Variants in ERCC2 observed in about 807,000 individuals in gnomAD.
ERCC2 encodes the protein general transcription and DNA repair factor IIH helicase subunit XPD.
ERCC2 carries 90 observed loss-of-function variants against 99.4 expected under a neutral mutation model. That is an observed-to-expected ratio of 0.91 (90% CI 0.76 to 1.08). ERCC2 has a LOEUF of 1.08. Ranked by LOEUF, ERCC2 falls within the 50% of genes least tolerant of loss-of-function variation. The probability of loss-of-function intolerance (pLI) is 0.00; values close to 1 mark genes in which losing one functional copy is unlikely to be tolerated. For synonymous variants in ERCC2, 497 were observed against 432.4 expected, an observed-to-expected ratio of 1.15 and a Z score of -1.85; for missense variants, 993 against 1,038.1, an observed-to-expected ratio of 0.96 and a Z score of 0.60.
Position 45,357,658 on chromosome 19 carries a change from T to C in ERCC2, c.1279A>G (p.Thr427Ala). Reference sequence around the variant, plus strand: ...AAGTGCAGGATGGGGTTGGCAATGGTCGGGGTTCTGTCGTCAAAGGGCTCG... The same window carrying C: ...AAGTGCAGGATGGGGTTGGCAATGGCCGGGGTTCTGTCGTCAAAGGGCTCG... ...IIEPFDDRTPTIANPILHFSC... is the reference protein window; with the variant it reads ...IIEPFDDRTPAIANPILHFSC... Residue 427 changes from threonine to alanine, a missense_variant, in exon 13 of 23, where the codon ACC becomes GCC. Transcript: ENST00000391945. 6.2e-7 allele frequency: 1 copy of C among 1,613,818 alleles called. No homozygotes were observed. Among genetic ancestry groups the C allele is most frequent in the Non-Finnish European group, 8.5e-7 (1 of 1,179,950 alleles).
chr19:45,364,760 G>T, intron 7 of ERCC2, 78 bp downstream of exon 7: 1 of 1,299,388 alleles, frequency 7.7e-7, no homozygotes, highest in Non-Finnish European at 1.1e-6. Flanking sequence ...GCAACAGACA[G>T]ACATGGGCAG....
At chr19:45,352,914 G>A (rs1419869125) in intron 19 of ERCC2, 98 bp from the exon 20 acceptor site, 1 of 1,304,064 alleles carries the variant, frequency 7.7e-7, no homozygotes, top group East Asian at 2.3e-5. Flanking sequence ...TGAGTTGGGG[G>A]GAGAGGGTGT....
In ERCC2 at chr19:45,354,092, C is replaced by T. The variant is rs542749868; in HGVS notation, c.1665+638G>A. On this transcript the variant is annotated intron_variant, in intron 17 of 22. Transcript: ENST00000391945. ...GCCTCCCATGCGTGCCTTTCCAATACCTGGATTAGCCAAGTTCACTCACCT... is the reference window on the plus strand; with the variant it reads ...GCCTCCCATGCGTGCCTTTCCAATATCTGGATTAGCCAAGTTCACTCACCT... 3.3e-5 allele frequency among the ~76,000 whole-genome samples: 5 copies of T among 152,320 alleles called. No homozygotes were observed. The East Asian group carries it at 7.7e-4, about 23-fold the overall frequency.
chr19:45,368,694 C>T lies in ERCC2; in HGVS notation c.296G>A (p.Gly99Asp), dbSNP rs1402868401. ...KLLNFYEKQE[G>D]EKLPFLGLAL... is the part of the protein sequence containing the mutation. Reference sequence around the variant, plus strand: ...CAGTCCCAGAAACGGCAGCTTCTCGCCCTCCTGCTTCTCATAGAAGTTGAG... The same window carrying T: ...CAGTCCCAGAAACGGCAGCTTCTCGTCCTCCTGCTTCTCATAGAAGTTGAG... The change falls in exon 5 of 23, where the codon GGC (glycine) becomes GAC (aspartate). Residue 99 changes from glycine (G) to aspartate (D), a missense_variant. Coordinates refer to ENST00000391945, the MANE Select transcript of ERCC2 (RefSeq NM_000400.4). 3 of 1,614,126 alleles carry T rather than the reference C, an allele frequency of 1.9e-6. No individual in the cohort carries two copies. The highest frequency in any genetic ancestry group is 2.2e-5 in the South Asian group (2 of 91,066).
At position 45,364,448 on chromosome 19, in the gene ERCC2, C is replaced by T. The variant is rs1392388856; in HGVS notation, c.694G>A (p.Val232Ile). 1 of 1,613,882 alleles carries T rather than the reference C, an allele frequency of 6.2e-7. No homozygotes were observed. The highest frequency in any genetic ancestry group is 8.5e-7 in the Non-Finnish European group (1 of 1,180,004). Reference sequence around the variant, plus strand: ...CCAATGTTGTGGGCCTCGTCGAAGACCACGACGGCCTTGCGGGCCAGTTCC... The same window carrying T: ...CCAATGTTGTGGGCCTCGTCGAAGATCACGACGGCCTTGCGGGCCAGTTCC... ...SKELARKAVV[V>I]FDEAHNIDNV... The change falls in exon 8 of 23, where the codon GTC becomes ATC. Residue 232 changes from valine to isoleucine, a missense_variant. This residue lies in a region of ERCC2 where 909 missense variants were observed against 930.8 expected (regional missense o/e 0.98). Coordinates refer to ENST00000391945, the MANE Select transcript of ERCC2 (RefSeq NM_000400.4).
In ERCC2 at chr19:45,350,259, CAA is replaced by C. The variant is rs61513187; in HGVS notation, c.*1368_*1369del. ...CAACATACCAAGACCCCTGTCTCTA[CAA>C]AAAAAAAAAAAAAGGCGGGACTGGA... On this transcript the variant is annotated 3_prime_UTR_variant, in exon 23 of 23. Coordinates refer to ENST00000391945, the MANE Select transcript of ERCC2 (RefSeq NM_000400.4). 0.058 allele frequency: 49,207 copies of C among 847,454 alleles called. No individual in the cohort carries two copies. Among genetic ancestry groups the C allele is most frequent in the South Asian group, 0.066 (3,765 of 57,052 alleles). The allele number at this position is 847,454 out of a possible 1,614,324, so 52.5% of individuals were successfully genotyped here. A position where few individuals can be genotyped will look rare whatever the true frequency, so the allele number is the denominator to read the frequency against.
intron 15 of ERCC2, among the ~76,000 whole-genome samples, chr19:45,356,442 T>A (rs1315712758): frequency 6.6e-6 from 1 of 152,194 alleles, no homozygotes; most frequent in African/African-American, 2.4e-5. Context: ...TCGGGGGAGC[T>A]GCCCAGACCC....
rs146538967 is a variant in ERCC2, at chr19:45,352,773, G to T, written c.1875C>A (p.Tyr625Ter). Residue 625 changes from tyrosine to a stop codon, truncating the protein, a stop_gained, in exon 20 of 23, where the codon TAC (tyrosine) becomes TAA (stop). Coordinates refer to ENST00000391945, the MANE Select transcript of ERCC2 (RefSeq NM_000400.4). LOFTEE classifies it high-confidence loss of function. ...GRAVIMFGVP[Y>*]VYTQSRILKA... is the part of the protein sequence containing the mutation. ...TGAGAATGCGGCTCTGTGTGTAGAC[G>T]TAGGGGACGCCAAACATGATGACGG... 6.2e-7 allele frequency: 1 copy of T among 1,607,794 alleles called. No individual in the cohort carries two copies.
intron 17 of ERCC2, 82 bp downstream of exon 17, chr19:45,354,648 T>C (rs1028540860): frequency 3.2e-6 from 5 of 1,554,122 alleles, no homozygotes; most frequent in Non-Finnish European, 4.4e-6. Context: ...ACCATCAGAG[T>C]GTGAGAGGAA....
chr19:45,355,411 T>C (rs1157325311), intron 16 of ERCC2, among the ~76,000 whole-genome samples: 6 of 152,202 alleles, frequency 3.9e-5, no homozygotes, highest in African/African-American at 1.4e-4. Flanking sequence ...CAGTGCACAA[T>C]ACACTGTGAC....
chr19:45,364,603 A>AC (rs1242137017), intron 7 of ERCC2, 56 bp from the exon 8 acceptor site: 1 of 1,603,060 alleles, frequency 6.2e-7, no homozygotes. Flanking sequence ...CCCTACCCCT[A>AC]CCCCTGGCCA....
intron 11 of ERCC2, 128 bp downstream of exon 11, chr19:45,363,615 A>G: frequency 9.0e-7 from 1 of 1,109,808 alleles, no homozygotes; most frequent in Non-Finnish European, 1.3e-6. Context: ...ACAAGGTCCC[A>G]CGTGCCTCGC....
At position 45,351,498 on chromosome 19, in the gene ERCC2, A is replaced by G; in HGVS notation, c.*131T>C. ...GGATAGCTGCCTTCTCCTGCGATTA[A>G]AGGCTGTGGACGTGACAGTGAGAAA... On this transcript the variant is annotated 3_prime_UTR_variant, in exon 23 of 23. Transcript: ENST00000391945. The G allele has an allele frequency of 1.3e-6, 2 of 1,593,914 alleles. No individual in the cohort carries two copies. The highest frequency in any genetic ancestry group is 1.7e-6 in the Non-Finnish European group (2 of 1,174,672).
intron 17 of ERCC2, 30 bp from the exon 18 acceptor site, chr19:45,353,364 G>C: frequency 6.5e-7 from 1 of 1,527,728 alleles, no homozygotes; most frequent in Non-Finnish European, 9.0e-7. Context: ...GGTCAGGGTG[G>C]GTTCAGGGCA....
At position 45,352,248 on chromosome 19, in the gene ERCC2, G is replaced by A. The variant is rs781150222; in HGVS notation, c.2151C>T (p.Ala717=). ...GTGCCATCTGCCGCAGGAAGTACTT[G>A]GCCACCTGGACACCCTCGTCCACGG... The part of the protein sequence containing the change: ...NLTVDEGVQV[A]KYFLRQMAQP... The change falls in exon 22 of 23, where the codon GCC becomes GCT. Residue 717 remains alanine, a synonymous_variant. Transcript: ENST00000391945. The A allele has an allele frequency of 6.2e-7, 1 of 1,613,978 alleles. No homozygotes were observed. Among genetic ancestry groups the A allele is most frequent in the African/African-American group, 1.3e-5 (1 of 74,912 alleles).
At chr19:45,368,081 C>G (rs1354328119) in intron 5 of ERCC2, among the ~76,000 whole-genome samples, 1 of 151,862 alleles carries the variant, frequency 6.6e-6, no homozygotes, top group African/African-American at 2.4e-5. Context: ...GCCGTGTTGG[C>G]CAGGATGGTC....
At chr19:45,352,447 G>GA (rs1568531546) in intron 21 of ERCC2, 59 bp downstream of exon 21, 1 of 1,613,874 alleles carries the variant, frequency 6.2e-7, no homozygotes, top group African/African-American at 1.3e-5. Flanking sequence ...AAATGAACGG[G>GA]AAACAGCCTG....
At chr19:45,369,624 T>C (rs536904291) in intron 2 of ERCC2, among the ~76,000 whole-genome samples, 163 of 152,264 alleles carry the variant, frequency 1.1e-3, no homozygotes, top group African/African-American at 3.3e-3. Context: ...ACTATGAGGA[T>C]TGTGAGAAAT....
At chr19:45,370,468 C>G in intron 1 of ERCC2, 68 bp downstream of exon 1, 1 of 1,534,138 alleles carries the variant, frequency 6.5e-7, no homozygotes, top group South Asian at 1.2e-5. Context: ...CAGGCGCGCC[C>G]ACCGATGACC....
Sources: gnomAD v4.1 joint callset for allele counts (sites outside exome capture counted in the v4.1 genomes callset) on GRCh38, gnomAD v4.1.1 for gene constraint, gnomAD v4.1.1 regional missense constraint, MANE v1.5 for transcripts, NCBI Gene and HGNC (gene_info 2026-07-23, HGNC 2026-07-21) for gene names.